UST: variants seen among roughly 807,000 people sequenced by gnomAD.
UST encodes uronyl 2-sulfotransferase.
A neutral mutation model predicts 45.6 loss-of-function variants in UST; 21 were observed. The ratio of observed to expected loss-of-function variants is 0.46; its 90% CI spans 0.33 to 0.66. The LOEUF is 0.66. Among genes scored for constraint, UST ranks in the 30% least tolerant of loss-of-function variants. The pLI is 0.02. For missense variants in UST, 463 were observed against 512.4 expected, an observed-to-expected ratio of 0.90 and a Z score of 0.93; for synonymous variants, 215 against 200.6, an observed-to-expected ratio of 1.07 and a Z score of -0.61.
At chr6:148,985,502 T>A (rs915919906) in intron 5 of UST, among the ~76,000 whole-genome samples, 1 of 152,172 alleles carries the variant, frequency 6.6e-6, no homozygotes, top group African/African-American at 2.4e-5. Flanking sequence ...TTCATGACTG[T>A]CAGAAGCTTC....
intron 1 of UST, among the ~76,000 whole-genome samples, chr6:148,782,531 A>T (rs1420312368): frequency 6.6e-6 from 1 of 151,796 alleles, no homozygotes; most frequent in African/African-American, 2.4e-5. Flanking sequence ...GCTCACTGCA[A>T]CCTCCACCTC....
chr6:148,857,945 G>A (rs1313848994), intron 1 of UST, among the ~76,000 whole-genome samples: 1 of 151,606 alleles, frequency 6.6e-6, no homozygotes, highest in African/African-American at 2.4e-5. Flanking sequence ...CAACACTTGG[G>A]CGAAAATGAA....
At chr6:148,950,023 C>G (rs146119175) in intron 3 of UST, among the ~76,000 whole-genome samples, 16 of 152,330 alleles carry the variant, frequency 1.1e-4, no homozygotes, top group African/African-American at 3.8e-4. Flanking sequence ...GAAGGAAGCT[C>G]TCTTGGCCAC....
At chr6:148,954,765 G>T (rs1196394917) in intron 4 of UST, among the ~76,000 whole-genome samples, 1 of 152,206 alleles carries the variant, frequency 6.6e-6, no homozygotes, top group Non-Finnish European at 1.5e-5. Flanking sequence ...TTTGATGCTG[G>T]GGAGGTATTT....
intron 3 of UST, among the ~76,000 whole-genome samples, chr6:148,952,124 T>C (rs548504874): frequency 2.6e-5 from 4 of 152,338 alleles, no homozygotes; most frequent in Non-Finnish European, 5.9e-5. Context: ...TAATGGTCTT[T>C]ACATTAAACA....
intron 2 of UST, among the ~76,000 whole-genome samples, chr6:148,928,194 A>G (rs890877067): frequency 2.6e-5 from 4 of 152,026 alleles, no homozygotes; most frequent in Non-Finnish European, 5.9e-5. Context: ...GACTCTTAAA[A>G]CCTGGGGCTC....
chr6:149,071,710 G>T (rs1305959329), intron 7 of UST, among the ~76,000 whole-genome samples: 1 of 151,968 alleles, frequency 6.6e-6, no homozygotes, highest in African/African-American at 2.4e-5. Context: ...GAAAATATTT[G>T]TAAATTATAT....
chr6:148,751,664 C>T (rs1407899613), intron 1 of UST, among the ~76,000 whole-genome samples: 10 of 152,146 alleles, frequency 6.6e-5, no homozygotes, highest in Admixed American at 6.5e-4. Context: ...CACAAACATA[C>T]ATTGGGGTAA....
chr6:148,798,943 C>T (rs937616403), intron 1 of UST, among the ~76,000 whole-genome samples: 7 of 152,102 alleles, frequency 4.6e-5, no homozygotes, highest in Admixed American at 6.5e-5. Context: ...GAGCTCGGCT[C>T]GCTGCAACCT....
intron 1 of UST, among the ~76,000 whole-genome samples, chr6:148,777,319 T>C (rs1776553492): frequency 6.6e-6 from 1 of 152,264 alleles, no homozygotes; most frequent in South Asian, 2.1e-4. Flanking sequence ...TAAGATTTAA[T>C]TGAATTATGC....
intron 1 of UST, among the ~76,000 whole-genome samples, chr6:148,832,557 C>T (rs199605498): frequency 2.0e-5 from 3 of 152,088 alleles, no homozygotes; most frequent in East Asian, 1.9e-4. Context: ...AACCATGTGC[C>T]GCGTTAGGTT....
intron 2 of UST, among the ~76,000 whole-genome samples, chr6:148,905,659 A>G (rs2114870359): frequency 6.6e-6 from 1 of 152,344 alleles, no homozygotes. Flanking sequence ...AAGGAGACCC[A>G]GGGAAGGAGC....
chr6:149,010,427 G>A (rs1439732835), intron 5 of UST, among the ~76,000 whole-genome samples: 1 of 152,142 alleles, frequency 6.6e-6, no homozygotes, highest in East Asian at 1.9e-4. Flanking sequence ...GAAGTGCAGG[G>A]ATATTTCTGG....
intron 2 of UST, among the ~76,000 whole-genome samples, chr6:148,901,067 T>C (rs1215126640): frequency 6.6e-6 from 1 of 152,188 alleles, no homozygotes; most frequent in Non-Finnish European, 1.5e-5. Flanking sequence ...TCTTAACTTA[T>C]CACACCTGCA....
chr6:148,897,014 A>G (rs1161062888), intron 2 of UST, among the ~76,000 whole-genome samples: 1 of 152,112 alleles, frequency 6.6e-6, no homozygotes, highest in Non-Finnish European at 1.5e-5. Context: ...ACATGGTAGC[A>G]CCCAGCAATG....
intron 1 of UST, among the ~76,000 whole-genome samples, chr6:148,839,877 C>T (rs561200410): frequency 1.3e-5 from 2 of 152,222 alleles, no homozygotes; most frequent in African/African-American, 2.4e-5. Flanking sequence ...GGTAACTTGC[C>T]AAAGGTCATT....
chr6:149,030,274 T>C (rs1268542536), intron 7 of UST, among the ~76,000 whole-genome samples: 1 of 152,198 alleles, frequency 6.6e-6, no homozygotes, highest in East Asian at 1.9e-4. Flanking sequence ...CTTCTTTATA[T>C]TTAATCATTA....
intron 5 of UST, among the ~76,000 whole-genome samples, chr6:148,988,432 A>G (rs947102348): frequency 6.6e-6 from 1 of 151,918 alleles, no homozygotes; most frequent in Non-Finnish European, 1.5e-5. Flanking sequence ...AAGGTAGCCC[A>G]GCATGGTGGC....
At chr6:149,009,878 A>C (rs1027738776) in intron 5 of UST, among the ~76,000 whole-genome samples, 1 of 151,754 alleles carries the variant, frequency 6.6e-6, no homozygotes, top group African/African-American at 2.4e-5. Flanking sequence ...ATTTTTTTCA[A>C]TAGCACATAT....
Sources: allele counts gnomAD v4.1 joint callset (sites outside exome capture counted in the v4.1 genomes callset), GRCh38; gene constraint gnomAD v4.1.1; transcripts MANE v1.5; gene names NCBI Gene and HGNC (gene_info 2026-07-23, HGNC 2026-07-21).